UACA: variants seen among roughly 807,000 people sequenced by gnomAD.
UACA encodes uveal autoantigen with coiled-coil domains and ankyrin repeats.
UACA carries 112 observed loss-of-function variants against 160.5 expected under a neutral mutation model. The ratio of observed to expected loss-of-function variants is 0.70; its 90% CI spans 0.60 to 0.82. The LOEUF (loss-of-function observed/expected upper bound fraction) is 0.82, where lower values mean the gene tolerates loss of function less well. Ranked by LOEUF, UACA falls within the 40% of genes least tolerant of loss-of-function variation. The pLI, the probability that UACA is intolerant of heterozygous loss-of-function variation, is 0.00. For missense variants in UACA, 1,574 were observed against 1,614.6 expected (o/e 0.97, Z 0.43); for synonymous variants, 557 against 568.4 (o/e 0.98, Z 0.29).
intron 1 of UACA, among the ~76,000 whole-genome samples, chr15:70,738,453 T>A (rs1351812804): frequency 1.3e-5 from 2 of 152,048 alleles, no homozygotes; most frequent in Non-Finnish European, 2.9e-5. Flanking sequence ...TTGTAGGAAG[T>A]TCTTTTAAAA....
In UACA at chr15:70,684,404, T is replaced by C. The variant is rs1202142485; in HGVS notation, c.645A>G (p.Ala215=). ...MLGCEYGCRD[A]VEVLIKNGAD... is the part of the protein sequence containing the mutation. ...CACCATTTTTAATTAAGACTTCTAC[T>C]GCATCTCTGCAACCATATTCGCAAC... Residue 215 remains alanine (A), a synonymous_variant, in exon 8 of 19, where the codon GCA becomes GCG. Coordinates refer to ENST00000322954, the MANE Select transcript of UACA (RefSeq NM_018003.4). 3 of 1,613,514 alleles carry C rather than the reference T, an allele frequency of 1.9e-6. No individual in the cohort carries two copies. The African/African-American group carries it at 4.0e-5, about 22-fold the overall frequency.
intron 1 of UACA, among the ~76,000 whole-genome samples, chr15:70,706,821 G>C (rs1015783217): frequency 6.6e-6 from 1 of 152,074 alleles, no homozygotes; most frequent in Non-Finnish European, 1.5e-5. Context: ...AGACATCCCA[G>C]GTTCACAAAT....
At chr15:70,754,203 T>C (rs531661890) in intron 1 of UACA, 1 of 455,394 alleles carries the variant, frequency 2.2e-6, no homozygotes, top group African/African-American at 2.0e-5. Context: ...CAAGGATACC[T>C]GGCCAGGTCC....
intron 2 of UACA, among the ~76,000 whole-genome samples, chr15:70,696,427 T>C (rs925961344): frequency 2.0e-5 from 3 of 152,168 alleles, no homozygotes; most frequent in African/African-American, 7.2e-5. Flanking sequence ...AATATTTGAA[T>C]AACTGCATGC....
At chr15:70,739,319 A>T (rs1899460086) in intron 1 of UACA, among the ~76,000 whole-genome samples, 1 of 152,146 alleles carries the variant, frequency 6.6e-6, no homozygotes, top group African/African-American at 2.4e-5. Context: ...ACATTGTAGG[A>T]TGTGCAGCAA....
At chr15:70,758,285 C>A (rs1381593331) in intron 1 of UACA, 1 of 152,150 alleles carries the variant, frequency 6.6e-6, no homozygotes, top group Non-Finnish European at 1.5e-5. Flanking sequence ...AGAAGGGTTT[C>A]TTTATTGTAA....
chr15:70,677,090 A>T lies in UACA; in HGVS notation c.1032+18T>A. 6.3e-7 allele frequency: 1 copy of T among 1,594,414 alleles called. No individual in the cohort carries two copies. The highest frequency in any genetic ancestry group is 8.6e-7 in the Non-Finnish European group (1 of 1,168,560). ...TCCTAAAACAATTTTAATGGTTTAAAATAAAATGTCACCCTACCTCGCTTT... is the reference window on the plus strand; with the variant it reads ...TCCTAAAACAATTTTAATGGTTTAATATAAAATGTCACCCTACCTCGCTTT... On this transcript the variant is annotated intron_variant, in intron 12 of 18. Coordinates refer to ENST00000322954, the MANE Select transcript of UACA (RefSeq NM_018003.4).
chr15:70,657,848 A>G (rs1595861474), intron 18 of UACA, among the ~76,000 whole-genome samples: 1 of 151,896 alleles, frequency 6.6e-6, no homozygotes, highest in African/African-American at 2.4e-5. Flanking sequence ...TTGGGAGGCC[A>G]AGGTGGGAGG....
intron 1 of UACA, chr15:70,754,150 A>G (rs2030265924): frequency 2.2e-6 from 1 of 455,898 alleles, no homozygotes; most frequent in Non-Finnish European, 4.4e-6. Flanking sequence ...TTTGTGGGAC[A>G]GTCATTTATC....
chr15:70,701,140 A>C (rs1022670880), intron 1 of UACA, among the ~76,000 whole-genome samples: 15 of 152,184 alleles, frequency 9.9e-5, no homozygotes, highest in Admixed American at 9.2e-4. Flanking sequence ...AACCTGGTTC[A>C]AGTACCTACA....
At chr15:70,741,228 G>A (rs953145228) in intron 1 of UACA, among the ~76,000 whole-genome samples, 10 of 152,088 alleles carry the variant, frequency 6.6e-5, no homozygotes, top group Non-Finnish European at 1.3e-4. Context: ...TTAACAGCAG[G>A]CAAATAACAC....
chr15:70,766,830 C>T (rs1446469202), upstream of UACA, among the ~76,000 whole-genome samples: 4 of 152,088 alleles, frequency 2.6e-5, no homozygotes, highest in African/African-American at 9.7e-5. Flanking sequence ...CAGAGGATAC[C>T]CAGGGGACCT....
At position 70,655,949 on chromosome 15, in the gene UACA, A is replaced by C. The variant is rs1896464888; in HGVS notation, c.*1107T>G. The C allele has an allele frequency of 6.6e-6, 1 of 152,238 alleles. No individual in the cohort carries two copies. The highest frequency in any genetic ancestry group is 6.5e-5 in the Admixed American group (1 of 15,292). The allele number at this position is 152,238 out of a possible 1,614,324, so 9.4% of individuals were successfully genotyped here. ...ATGTTAATAAAAAATAACAAGACAT[A>C]TAAACTTTCCCTAATGAGATGCAGT... On this transcript the variant is annotated 3_prime_UTR_variant, in exon 19 of 19. Coordinates refer to ENST00000322954, the MANE Select transcript of UACA (RefSeq NM_018003.4).
chr15:70,691,717 A>G (rs574398728), intron 3 of UACA, among the ~76,000 whole-genome samples: 2 of 152,180 alleles, frequency 1.3e-5, no homozygotes, highest in Non-Finnish European at 2.9e-5. Flanking sequence ...TGAGGAAAGA[A>G]GAGAGAGAAA....
intron 1 of UACA, among the ~76,000 whole-genome samples, chr15:70,757,818 G>T (rs1229515116): frequency 6.6e-6 from 1 of 152,170 alleles, no homozygotes; most frequent in Admixed American, 6.5e-5. Context: ...AGAGCCTCTT[G>T]GAGTTGGCTC....
chr15:70,666,077 A>C (rs1479997891), intron 16 of UACA, among the ~76,000 whole-genome samples: 1 of 152,174 alleles, frequency 6.6e-6, no homozygotes, highest in Non-Finnish European at 1.5e-5. Flanking sequence ...AATTCTAACA[A>C]GGTAATATAA....
At chr15:70,694,034 GGGTAAAAGTAAT>G (rs1011049353) in intron 3 of UACA, among the ~76,000 whole-genome samples, 3 of 152,058 alleles carry the variant, frequency 2.0e-5, no homozygotes, top group African/African-American at 7.2e-5. Context: ...ACACAATGCT[GGGTAAAAGTAAT>G]GTATTTATTT....
intron 1 of UACA, among the ~76,000 whole-genome samples, chr15:70,749,926 C>A (rs1039883056): frequency 1.3e-5 from 2 of 151,324 alleles, no homozygotes; most frequent in African/African-American, 4.9e-5. Flanking sequence ...ATGGACAGTG[C>A]TCTCTCTCTC....
intron 1 of UACA, among the ~76,000 whole-genome samples, chr15:70,717,834 TTACCCTC>T (rs1395078951): frequency 1.3e-5 from 2 of 152,102 alleles, no homozygotes; most frequent in African/African-American, 4.8e-5. Flanking sequence ...TCAGTTGAGA[TTACCCTC>T]TATAATGTAG....
Sources: allele counts gnomAD v4.1 joint callset (sites outside exome capture counted in the v4.1 genomes callset), GRCh38; gene constraint gnomAD v4.1.1; transcripts MANE v1.5; gene names NCBI Gene and HGNC (gene_info 2026-07-23, HGNC 2026-07-21).